CARD9: variants seen among roughly 807,000 people sequenced by gnomAD.
The protein encoded by CARD9 is caspase recruitment domain-containing protein 9.
In CARD9, 53 loss-of-function variants were observed where a neutral mutation model predicts 66.0. That is an observed-to-expected ratio of 0.80 (90% CI 0.64 to 1.01). CARD9 has a LOEUF of 1.01. CARD9 is among the 50% of genes least tolerant of loss of function. The pLI is 0.00. For synonymous variants in CARD9, 387 were observed against 313.8 expected, an observed-to-expected ratio of 1.23 and a Z score of -2.47; for missense variants, 769 against 743.2, an observed-to-expected ratio of 1.03 and a Z score of -0.40.
chr9:136,367,948 G>A, intron 7 of CARD9, 120 bp from the exon 8 acceptor site: 1 of 1,446,346 alleles, frequency 6.9e-7, no homozygotes, highest in Non-Finnish European at 9.1e-7. Context: ...GGGCGCGGAG[G>A]CTGGTCACAG....
intron 5 of CARD9, 23 bp from the exon 6 acceptor site, chr9:136,370,460 G>GCCTGGCTGGGAAGGCCCCCACTGC (rs1564369164): frequency 3.1e-6 from 5 of 1,606,538 alleles, no homozygotes; most frequent in Admixed American, 3.4e-5. Flanking sequence ...AAAGGCAATG[G>GCCTGGCTGGGAAGGCCCCCACTGC]CCTGGCTGGG....
At position 136,364,413 on chromosome 9, in the gene CARD9, G is replaced by A. The variant is rs997675332; in HGVS notation, c.1512-12C>T. 9.7e-6 allele frequency: 15 copies of A among 1,546,030 alleles called. No homozygotes were observed. The highest frequency in any genetic ancestry group is 2.7e-5 in the African/African-American group (2 of 73,242). On this transcript the variant is annotated splice_polypyrimidine_tract_variant and intron_variant, in intron 12 of 12. Coordinates refer to ENST00000371732, the MANE Select transcript of CARD9 (RefSeq NM_052813.5). ...TGAGGGCGCGCTTCCTGTGAAGACA[G>A]GTGTCTCAGGCGCGACCCGGCTGCC...
At chr9:136,370,117 C>T in intron 6 of CARD9, 177 bp downstream of exon 6, 4 of 1,422,024 alleles carry the variant, frequency 2.8e-6, no homozygotes, top group Non-Finnish European at 3.7e-6. Context: ...TGGCCTTTGC[C>T]ATGGGGGGCA....
In CARD9 at chr9:136,367,774, T is replaced by C. The variant is rs1564367778; in HGVS notation, c.1132A>G (p.Lys378Glu). Residue 378 changes from lysine (K) to glutamate (E), a missense_variant, in exon 8 of 13, where the codon AAG becomes GAG. Physicochemically the swap from Lys to Glu is moderately conservative, Grantham distance 56. Transcript: ENST00000371732. ...CGCACCTGCTTGCGCAGCGCGTCCT[T>C]CTCCTGCAGGCCCCGGGCGTGCTGT... Reference protein sequence around the residue: ...HAQHARGLQEKDALRKQVREL... With the variant: ...HAQHARGLQEEDALRKQVREL... The C allele has an allele frequency of 6.2e-7, 1 of 1,604,600 alleles. No homozygotes were observed. The highest frequency in any genetic ancestry group is 1.7e-5 in the Admixed American group (1 of 59,942).
rs760553828 is a variant in CARD9, at chr9:136,367,250, T to C, written c.1277A>G (p.Asp426Gly). Residue 426 changes from aspartate to glycine, a missense_variant, in exon 9 of 13, where the codon GAC (aspartate) becomes GGC (glycine). By Grantham distance (94) the Asp-to-Gly change is moderately conservative (BLOSUM62 -1). Transcript: ENST00000371732. The stretch of plus-strand genomic sequence containing the variant: ...CCTCCTGGGTGAGCCATCTTCCAGG[T>C]CGGAGCTCTGTGGTCATAGAAAATG... ...QQLETLVLSS[D>G]LEDGSPRRSQ... 2.8e-5 allele frequency: 45 copies of C among 1,612,716 alleles called. No individual in the cohort carries two copies. The South Asian group carries it at 4.2e-4, about 15-fold the overall frequency.
chr9:136,368,132 T>C (rs1157330734), intron 7 of CARD9, among the ~76,000 whole-genome samples: 9 of 152,350 alleles, frequency 5.9e-5, no homozygotes, highest in African/African-American at 2.2e-4. Flanking sequence ...CGGCTTGATA[T>C]GGAGACCCTG....
Position 136,370,967 on chromosome 9 carries a change from C to T in CARD9, c.501G>A (p.Glu167=), listed in dbSNP as rs1426484553. ...HQERVQRLKE[E]CEAGSRELKR... The stretch of plus-strand genomic sequence containing the variant: ...TGAGCTCGCGGCTGCCGGCCTCGCA[C>T]TCCTCCTTGAGCCTCTGCACACGCT... Residue 167 remains glutamate (E), a synonymous_variant, in exon 4 of 13, where the codon GAG becomes GAA. Transcript: ENST00000371732. 8.7e-6 allele frequency: 14 copies of T among 1,610,872 alleles called. No individual in the cohort carries two copies. The highest frequency in any genetic ancestry group is 1.7e-4 in the Middle Eastern group (1 of 6,054).
In CARD9 at chr9:136,367,340, TCCTCCAGGGAG is replaced by T. The variant is rs369193778; in HGVS notation, c.1270-94_1270-84del. 1.8e-5 allele frequency: 27 copies of T among 1,480,272 alleles called. No individual in the cohort carries two copies. The African/African-American group carries it at 3.2e-4, about 17-fold the overall frequency. The allele number at this position is 1,480,272 out of a possible 1,614,324, so 91.7% of individuals were successfully genotyped here. A position where few individuals can be genotyped will look rare whatever the true frequency, so the allele number is the denominator to read the frequency against. The stretch of plus-strand genomic sequence containing the variant: ...AGGGTGGGCAGGGCACAGAGCGGGA[TCCTCCAGGGAG>T]CCCTGGGCATGCCCTCAGCCACACC... On this transcript the variant is annotated intron_variant, in intron 8 of 12. Coordinates refer to ENST00000371732, the MANE Select transcript of CARD9 (RefSeq NM_052813.5).
At position 136,372,330 on chromosome 9, in the gene CARD9, C is replaced by T. The variant is rs548223107; in HGVS notation, c.-16-236G>A. 1.4e-3 allele frequency among the ~76,000 whole-genome samples: 218 copies of T among 152,340 alleles called. 1 individual carries two copies. The highest frequency in any genetic ancestry group is 4.9e-3 in the African/African-American group (202 of 41,566). On this transcript the variant is annotated intron_variant, in intron 1 of 12. Transcript: ENST00000371732. Reference sequence around the variant, plus strand: ...CCACCAGACCAGCCGAGGGCCCCTCCGCAGCCTTTCCCAGCCCTTGCTCCT... The same window carrying T: ...CCACCAGACCAGCCGAGGGCCCCTCTGCAGCCTTTCCCAGCCCTTGCTCCT...
At chr9:136,370,225 T>C (rs933295787) in intron 6 of CARD9, 69 bp downstream of exon 6, 1 of 1,561,276 alleles carries the variant, frequency 6.4e-7, no homozygotes, top group African/African-American at 1.4e-5. Context: ...AGGCACGGAG[T>C]GGGCGGAGCT....
In CARD9 at chr9:136,371,828, G is replaced by C. The variant is rs574450713; in HGVS notation, c.184+67C>G. The C allele has an allele frequency of 4.5e-6, 7 of 1,549,322 alleles. No individual in the cohort carries two copies. In the African/African-American group the frequency reaches 9.5e-5, roughly 21 times the overall value. On this transcript the variant is annotated intron_variant, in intron 2 of 12. Coordinates refer to ENST00000371732, the MANE Select transcript of CARD9 (RefSeq NM_052813.5). Reference sequence around the variant, plus strand: ...GGGTTGAGGGTCAGGGTGGCAGAGCGTGCAGCCACCTCCGAGCTGACTCTG... The same window carrying C: ...GGGTTGAGGGTCAGGGTGGCAGAGCCTGCAGCCACCTCCGAGCTGACTCTG...
At chr9:136,370,737 A>T in intron 4 of CARD9, 36 bp from the exon 5 acceptor site, 1 of 1,612,470 alleles carries the variant, frequency 6.2e-7, no homozygotes, top group Non-Finnish European at 8.5e-7. Flanking sequence ...TGTCCCCTCC[A>T]GGCGGTGACC....
rs764216689 is a variant in CARD9 at position 136,367,798 on chromosome 9, G to A, written c.1108C>T (p.Gln370Ter). Reference protein sequence around the residue: ...AIATREELHAQHARGLQEKDA... With the variant: ...AIATREELHA The stretch of plus-strand genomic sequence containing the variant: ...TTCTCCTGCAGGCCCCGGGCGTGCT[G>A]TGCGTGCAGCTCCTCCCGCGTGGCT... The change falls in exon 8 of 13, where the codon CAG becomes TAG. Residue 370 changes from glutamine to a stop codon, truncating the protein, a stop_gained. Transcript: ENST00000371732. LOFTEE classifies it high-confidence loss of function. 2 of 1,602,634 alleles carry A rather than the reference G, an allele frequency of 1.2e-6. No homozygotes were observed. The highest frequency in any genetic ancestry group is 2.2e-5 in the South Asian group (2 of 90,952).
At chr9:136,367,330 C>CA in intron 8 of CARD9, 73 bp from the exon 9 acceptor site, 1 of 1,529,502 alleles carries the variant, frequency 6.5e-7, no homozygotes, top group Non-Finnish European at 9.0e-7. Context: ...GGGCAGGGCA[C>CA]AGAGCGGGAT....
At position 136,364,358 on chromosome 9, in the gene CARD9, C is replaced by A; in HGVS notation, c.1555G>T (p.Glu519Ter). The A allele has an allele frequency of 1.9e-6, 3 of 1,569,622 alleles. No individual in the cohort carries two copies. Among genetic ancestry groups the A allele is most frequent in the Non-Finnish European group, 2.6e-6 (3 of 1,159,058 alleles). Residue 519 changes from glutamate to a stop codon, truncating the protein, a stop_gained, in exon 13 of 13, where the codon GAG (glutamate) becomes TAG (stop). Coordinates refer to ENST00000371732, the MANE Select transcript of CARD9 (RefSeq NM_052813.5). LOFTEE classifies it high-confidence loss of function. Reference sequence around the variant, plus strand: ...CCCGTGGTGTTCTCCCGGTCCTCCTCCCCCTGCCGCCATCCTTTCTGCATC... The same window carrying A: ...CCCGTGGTGTTCTCCCGGTCCTCCTACCCCTGCCGCCATCCTTTCTGCATC... ...RKMQKGWRQGEEDRENTTGSD... is the reference protein window; with the variant it reads ...RKMQKGWRQG
At chr9:136,369,411 CG>C (rs985956284) in intron 7 of CARD9, among the ~76,000 whole-genome samples, 3 of 152,170 alleles carry the variant, frequency 2.0e-5, no homozygotes, top group African/African-American at 7.2e-5. Flanking sequence ...TAAGGTGGAG[CG>C]GGAAGGTTGA....
chr9:136,369,944 G>C, intron 6 of CARD9, 69 bp from the exon 7 acceptor site: 3 of 1,598,600 alleles, frequency 1.9e-6, no homozygotes, highest in Non-Finnish European at 2.5e-6. Flanking sequence ...GGTATACTCC[G>C]GGCAGGGGCT....
rs757648134 is a variant in CARD9 at position 136,370,351 on chromosome 9, G to C, written c.894C>G (p.Ala298=). 28 of 1,610,022 alleles carry C rather than the reference G, an allele frequency of 1.7e-5. No homozygotes were observed. The highest frequency in any genetic ancestry group is 1.7e-4 in the Middle Eastern group (1 of 6,038). Residue 298 remains alanine, a synonymous_variant, in exon 6 of 13, where the codon GCC becomes GCG. Transcript: ENST00000371732. ...RQALRDHQEQ[A]NTIFSLRKDL... is the part of the protein sequence containing the mutation. Reference sequence around the variant, plus strand: ...CCTTGCGCAGGGAGAAGATGGTGTTGGCCTGCTCCTGGTGGTCCCGCAGCG... The same window carrying C: ...CCTTGCGCAGGGAGAAGATGGTGTTCGCCTGCTCCTGGTGGTCCCGCAGCG...
chr9:136,367,011 G>T (rs1833140148), intron 9 of CARD9, among the ~76,000 whole-genome samples, 166 bp from the exon 10 acceptor site: 2 of 152,230 alleles, frequency 1.3e-5, no homozygotes. Flanking sequence ...ACATTGGGCG[G>T]CCAGGAGGTG....
Sources: gnomAD v4.1 joint callset for allele counts (sites outside exome capture counted in the v4.1 genomes callset) on GRCh38, gnomAD v4.1.1 for gene constraint, MANE v1.5 for transcripts, NCBI Gene and HGNC (gene_info 2026-07-23, HGNC 2026-07-21) for gene names.